The following RAD52 variants were observed in gnomAD, a reference collection of about 807,000 sequenced individuals.
RAD52 encodes RAD52 DNA repair protein, also known as DNA repair protein RAD52 homolog.
RAD52 carries 47 observed loss-of-function variants against 55.5 expected under a neutral mutation model. The observed-to-expected ratio is 0.85, with a 90% CI of 0.67 to 1.08. RAD52 has a LOEUF of 1.08. RAD52 is among the 50% of genes least tolerant of loss of function. The pLI is 0.00. For missense variants in RAD52, 468 were observed against 522.8 expected, an observed-to-expected ratio of 0.90 and a Z score of 1.02; for synonymous variants, 184 against 198.9, an observed-to-expected ratio of 0.92 and a Z score of 0.63.
intron 7 of RAD52, among the ~76,000 whole-genome samples, chr12:918,298 T>A (rs930774279): frequency 1.3e-5 from 2 of 152,218 alleles, no homozygotes; most frequent in African/African-American, 4.8e-5. Flanking sequence ...CATGAATGAA[T>A]CTCACAACCA....
chr12:950,027 A>T (rs950503051), upstream of RAD52, among the ~76,000 whole-genome samples: 5 of 152,128 alleles, frequency 3.3e-5, no homozygotes, highest in African/African-American at 1.2e-4. Flanking sequence ...CGGGTGGTTC[A>T]CACTTCACAT....
chr12:951,087 G>A (rs1958516362), upstream of RAD52, among the ~76,000 whole-genome samples: 1 of 151,942 alleles, frequency 6.6e-6, no homozygotes, highest in African/African-American at 2.4e-5. Context: ...TTGATCATTT[G>A]TATGTCATCT....
At chr12:960,387 A>G (rs760856478) in intron 1 of RAD52, among the ~76,000 whole-genome samples, 4 of 152,246 alleles carry the variant, frequency 2.6e-5, no homozygotes, top group Non-Finnish European at 5.9e-5. Flanking sequence ...TGGGTTTTTC[A>G]CTTGAGTAAC....
intron 2 of RAD52, among the ~76,000 whole-genome samples, 156 bp from the exon 3 acceptor site, chr12:931,477 A>G (rs1409966402): frequency 6.6e-6 from 1 of 152,204 alleles, no homozygotes; most frequent in Non-Finnish European, 1.5e-5. Context: ...AAAACTGAGA[A>G]ACTTTTAAGG....
Position 912,238 on chromosome 12 carries a change from T to A in RAD52, c.*1153A>T, listed in dbSNP as rs1956129831. 5.1e-6 allele frequency: 1 copy of A among 196,284 alleles called. No homozygotes were observed. Among genetic ancestry groups the A allele is most frequent in the South Asian group, 1.9e-4 (1 of 5,182 alleles). 12.2% of individuals were successfully genotyped at this position (196,284 alleles called of 1,614,324 possible). A position where few individuals can be genotyped will look rare whatever the true frequency, so the allele number is the denominator to read the frequency against. Reference sequence around the variant, plus strand: ...TGACGTGATGCCAGAAGTGGAAAATTCCACACGTGACCTCGTGTGACAAGT... The same window carrying A: ...TGACGTGATGCCAGAAGTGGAAAATACCACACGTGACCTCGTGTGACAAGT... On this transcript the variant is annotated 3_prime_UTR_variant, in exon 12 of 12. Coordinates refer to ENST00000358495, the MANE Select transcript of RAD52 (RefSeq NM_134424.4).
intron 1 of RAD52, among the ~76,000 whole-genome samples, chr12:967,673 A>G (rs1025057735): frequency 6.6e-6 from 1 of 151,930 alleles, no homozygotes; most frequent in African/African-American, 2.4e-5. Flanking sequence ...GGCGCGACCA[A>G]AGTTCACTGA....
intron 1 of RAD52, chr12:976,262 G>C (rs984175718): frequency 2.0e-5 from 3 of 152,362 alleles, no homozygotes; most frequent in Non-Finnish European, 4.4e-5. Context: ...AGAGGTTGCA[G>C]TGAGCCGAGA....
chr12:931,763 A>G (rs1957337246), intron 2 of RAD52, among the ~76,000 whole-genome samples: 2 of 152,200 alleles, frequency 1.3e-5, no homozygotes, highest in South Asian at 4.1e-4. Context: ...TCTGTAAATG[A>G]CGTCAGCACA....
intron 1 of RAD52, among the ~76,000 whole-genome samples, chr12:979,229 T>C (rs1280969726): frequency 6.6e-6 from 1 of 151,950 alleles, no homozygotes; most frequent in Non-Finnish European, 1.5e-5. Context: ...TGTCTGAGCT[T>C]AGGAGTTCAA....
chr12:914,303 T>A, intron 10 of RAD52, 128 bp downstream of exon 10: 1 of 1,398,098 alleles, frequency 7.2e-7, no homozygotes, highest in Non-Finnish European at 9.6e-7. Context: ...GAACTGGACA[T>A]ATGCTATCAG....
At chr12:940,413 A>G (rs1202508388) in intron 1 of RAD52, among the ~76,000 whole-genome samples, 1 of 152,154 alleles carries the variant, frequency 6.6e-6, no homozygotes, top group African/African-American at 2.4e-5. Flanking sequence ...CCTTGCCAAC[A>G]TGATGAAACC....
intron 1 of RAD52, chr12:974,126 G>A (rs1958905935): frequency 6.6e-6 from 1 of 152,324 alleles, no homozygotes; most frequent in African/African-American, 2.4e-5. Context: ...GATGTGGGAA[G>A]AGCAGGTTTG....
At chr12:943,024 G>T (rs1958000942) in intron 1 of RAD52, among the ~76,000 whole-genome samples, 2 of 152,146 alleles carry the variant, frequency 1.3e-5, no homozygotes, top group African/African-American at 4.8e-5. Flanking sequence ...ATGGGCAAAA[G>T]ATTTGAGCAG....
chr12:990,586 G>A (rs1959171963), upstream of RAD52: 1 of 152,286 alleles, frequency 6.6e-6, no homozygotes. Flanking sequence ...GTCCATTGCT[G>A]GGGTCCTCGG....
chr12:933,095 G>GAA lies in RAD52; in HGVS notation c.-18-21_-18-20dup. ...TTGACCTCTATATAAATAAAAAGCG[G>GAA]AAAAAAAAAACAACCCTCAAAGAAT... On this transcript the variant is annotated intron_variant, in intron 1 of 11. Coordinates refer to ENST00000358495, the MANE Select transcript of RAD52 (RefSeq NM_134424.4). 1.8e-5 allele frequency: 25 copies of GAA among 1,365,114 alleles called. No homozygotes were observed. The highest frequency in any genetic ancestry group is 1.9e-5 in the Non-Finnish European group (19 of 997,324). 84.6% of individuals were successfully genotyped at this position (1,365,114 alleles called of 1,614,324 possible). A position where few individuals can be genotyped will look rare whatever the true frequency, so the allele number is the denominator to read the frequency against.
chr12:940,743 A>C (rs1430626696), intron 1 of RAD52, among the ~76,000 whole-genome samples: 4 of 152,206 alleles, frequency 2.6e-5, no homozygotes, highest in Non-Finnish European at 1.5e-5. Flanking sequence ...TTCTAGTAGA[A>C]TTAGAAGCCA....
intron 1 of RAD52, chr12:974,978 T>C (rs1362297702): frequency 6.6e-6 from 1 of 152,118 alleles, no homozygotes; most frequent in Admixed American, 6.6e-5. Flanking sequence ...CAGACAACCA[T>C]GGACCAAAGA....
intron 1 of RAD52, among the ~76,000 whole-genome samples, chr12:971,753 GA>G (rs1336618558): frequency 6.6e-6 from 1 of 151,934 alleles, no homozygotes; most frequent in Admixed American, 6.6e-5. Flanking sequence ...AAGCTATTTG[GA>G]ATTTTTTTTT....
intron 1 of RAD52, among the ~76,000 whole-genome samples, chr12:962,714 CTATT>C (rs1315678358): frequency 4.0e-5 from 6 of 150,550 alleles, no homozygotes; most frequent in Admixed American, 6.6e-5. Context: ...ATTTATCTAT[CTATT>C]TATTTATTTT....
Sources: allele counts gnomAD v4.1 joint callset (sites outside exome capture counted in the v4.1 genomes callset), GRCh38; gene constraint gnomAD v4.1.1; transcripts MANE v1.5; gene names NCBI Gene and HGNC (gene_info 2026-07-23, HGNC 2026-07-21).